HEG1: variants seen among roughly 807,000 people sequenced by gnomAD.
HEG1 encodes protein HEG homolog 1.
HEG1 carries 56 observed loss-of-function variants against 125.6 expected under a neutral mutation model. That is an observed-to-expected ratio of 0.45 (90% confidence interval 0.36 to 0.56). The LOEUF is 0.56. HEG1 is among the 20% of genes least tolerant of loss of function. HEG1 has a pLI of 0.00. For synonymous variants in HEG1, 644 were observed against 668.5 expected, an observed-to-expected ratio of 0.96 and a Z score of 0.57; for missense variants, 1,523 against 1,670.0, an observed-to-expected ratio of 0.91 and a Z score of 1.53.
intron 5 of HEG1, among the ~76,000 whole-genome samples, chr3:125,018,195 T>C (rs79180190): frequency 0.01 from 1,588 of 152,322 alleles, 21 homozygotes; most frequent in African/African-American, 0.035. Flanking sequence ...GGCATATTAT[T>C]AAGCCACGAA....
At chr3:125,052,109 AC>A (rs140805670) in intron 1 of HEG1, among the ~76,000 whole-genome samples, 20,259 of 150,888 alleles carry the variant, frequency 0.13, 1,876 homozygotes, top group Non-Finnish European at 0.19. Flanking sequence ...ACACTCATGC[AC>A]CACGGAGAGT....
chr3:125,042,081 T>C (rs1937597939), intron 1 of HEG1, among the ~76,000 whole-genome samples: 1 of 152,218 alleles, frequency 6.6e-6, no homozygotes, highest in African/African-American at 2.4e-5. Flanking sequence ...TACTTAAAAA[T>C]GGTTAAAATG....
In HEG1 at chr3:125,029,205, A is replaced by T; in HGVS notation, c.600T>A (p.Ser200Arg). 1 of 1,611,844 alleles carries T rather than the reference A, an allele frequency of 6.2e-7. No individual in the cohort carries two copies. The highest frequency in any genetic ancestry group is 1.3e-5 in the African/African-American group (1 of 75,012). The change falls in exon 2 of 17, where the codon AGT (serine) becomes AGA (arginine). Residue 200 changes from serine to arginine, a missense_variant. Transcript: ENST00000311127. Reference sequence around the variant, plus strand: ...TCAGCACAAGCTCACCTAAGTTGCCACTCTGGGAAGTCAGAGCTGTTGCTA... The same window carrying T: ...TCAGCACAAGCTCACCTAAGTTGCCTCTCTGGGAAGTCAGAGCTGTTGCTA... ...LEIATALTSQSGNLASESLHL... is the reference protein window; with the variant it reads ...LEIATALTSQRGNLASESLHL...
intron 14 of HEG1, among the ~76,000 whole-genome samples, chr3:124,980,528 T>A (rs1936629390): frequency 6.6e-6 from 1 of 152,302 alleles, no homozygotes; most frequent in South Asian, 2.1e-4. Flanking sequence ...TTTATTTTTT[T>A]TTTATTTTTA....
chr3:125,001,296 T>C (rs953647492), intron 11 of HEG1, among the ~76,000 whole-genome samples: 2 of 152,088 alleles, frequency 1.3e-5, no homozygotes, highest in African/African-American at 4.8e-5. Context: ...TTGTTTATTC[T>C]GTTTTTTGAG....
At chr3:125,047,610 G>A (rs1937694692) in intron 1 of HEG1, among the ~76,000 whole-genome samples, 1 of 152,180 alleles carries the variant, frequency 6.6e-6, no homozygotes, top group Non-Finnish European at 1.5e-5. Context: ...CTCACCACAT[G>A]GCCATAATAA....
intron 1 of HEG1, among the ~76,000 whole-genome samples, chr3:125,044,329 CAGAG>C (rs1277606044): frequency 6.6e-6 from 1 of 152,018 alleles, no homozygotes; most frequent in Non-Finnish European, 1.5e-5. Flanking sequence ...AAAGATAAAA[CAGAG>C]AAAGAGGAAG....
intron 16 of HEG1, among the ~76,000 whole-genome samples, chr3:124,973,287 G>C (rs564043503): frequency 6.6e-6 from 1 of 152,012 alleles, no homozygotes; most frequent in African/African-American, 2.4e-5. Flanking sequence ...TGCCCACCTC[G>C]GCCTCCCAAA....
chr3:125,000,380 A>G (rs556800362), intron 11 of HEG1, among the ~76,000 whole-genome samples: 1 of 152,238 alleles, frequency 6.6e-6, no homozygotes, highest in South Asian at 2.1e-4. Flanking sequence ...AACCTGGTGC[A>G]ATGTTGATCA....
At chr3:125,007,769 G>T (rs911068313) in intron 8 of HEG1, among the ~76,000 whole-genome samples, 1 of 151,968 alleles carries the variant, frequency 6.6e-6, no homozygotes, top group Non-Finnish European at 1.5e-5. Flanking sequence ...TTTGAGTCCT[G>T]GGCAAATACA....
At chr3:125,052,476 G>A (rs926840810) in intron 1 of HEG1, among the ~76,000 whole-genome samples, 7 of 152,178 alleles carry the variant, frequency 4.6e-5, no homozygotes, top group South Asian at 2.1e-4. Context: ...CAGCTACTCA[G>A]CGTCATTTCC....
In HEG1 at chr3:125,029,708, G is replaced by A. The variant is rs563928575; in HGVS notation, c.317-220C>T. On this transcript the variant is annotated intron_variant, in intron 1 of 16. Transcript: ENST00000311127. ...AGTTCGAGACCAGCCTGGCCAACAT[G>A]GTAAAACCCTGTCTCTATTAAAAAT... Among the ~76,000 whole-genome samples, 4 of 152,222 alleles carry A rather than the reference G, an allele frequency of 2.6e-5. No individual in the cohort carries two copies. The East Asian group carries it at 7.7e-4, about 29-fold the overall frequency.
intron 14 of HEG1, among the ~76,000 whole-genome samples, chr3:124,980,637 C>T (rs912018407): frequency 1.1e-4 from 17 of 152,108 alleles, no homozygotes; most frequent in African/African-American, 3.1e-4. Flanking sequence ...ATGCCTCAAC[C>T]TCCTGAGTAG....
chr3:124,998,086 A>G (rs1405258172), intron 11 of HEG1, among the ~76,000 whole-genome samples: 1 of 152,174 alleles, frequency 6.6e-6, no homozygotes, highest in Non-Finnish European at 1.5e-5. Flanking sequence ...CCACGGACCC[A>G]CTGAGAAACG....
chr3:125,040,494 C>T (rs1275953726), intron 1 of HEG1, among the ~76,000 whole-genome samples: 35 of 152,088 alleles, frequency 2.3e-4, no homozygotes, highest in Non-Finnish European at 1.3e-4. Flanking sequence ...AACAGTAAGA[C>T]ACTGATGCTC....
chr3:125,016,628 G>A (rs111381703), intron 5 of HEG1, among the ~76,000 whole-genome samples: 2,141 of 152,280 alleles, frequency 0.014, 43 homozygotes, highest in African/African-American at 0.047. Flanking sequence ...TCCCCCGCTT[G>A]TGTGTGTGGT....
At chr3:125,053,112 A>G (rs1313000319) in intron 1 of HEG1, among the ~76,000 whole-genome samples, 2 of 152,216 alleles carry the variant, frequency 1.3e-5, no homozygotes, top group African/African-American at 4.8e-5. Context: ...GTGCCTCCCC[A>G]AACACAAAAA....
chr3:124,997,698 A>G lies in HEG1; in HGVS notation c.3643T>C (p.Ser1215Pro), dbSNP rs76556694. Residue 1215 changes from serine (S) to proline (P), a missense_variant, in exon 12 of 17, where the codon TCC becomes CCC. Physicochemically the swap from Ser to Pro is moderately conservative, Grantham distance 74. Transcript: ENST00000311127. ...GYFQFNKMDHSCRACEDGYRL... is the reference protein window; with the variant it reads ...GYFQFNKMDHPCRACEDGYRL... ...GCGAAGCTGTGGCTACCTCGGCAGG[A>G]GTGGTCCATCTTGTTGAACTGAAAG... 6.3e-6 allele frequency: 10 copies of G among 1,579,540 alleles called. No homozygotes were observed. Among genetic ancestry groups the G allele is most frequent in the Non-Finnish European group, 7.8e-6 (9 of 1,156,740 alleles).
intron 1 of HEG1, among the ~76,000 whole-genome samples, chr3:125,053,790 A>G (rs1329647974): frequency 6.6e-6 from 1 of 152,214 alleles, no homozygotes; most frequent in Non-Finnish European, 1.5e-5. Flanking sequence ...TTTGGGTCAC[A>G]TAAGGCCCCA....
Sources: allele counts gnomAD v4.1 joint callset (sites outside exome capture counted in the v4.1 genomes callset), GRCh38; gene constraint gnomAD v4.1.1; transcripts MANE v1.5; gene names NCBI Gene and HGNC (gene_info 2026-07-23, HGNC 2026-07-21).